The following IL17REL variants were observed in gnomAD, a reference collection of about 807,000 sequenced individuals.
The protein encoded by IL17REL is interleukin-17 receptor E-like protein.
In IL17REL, 36 loss-of-function variants were observed where a neutral mutation model predicts 49.0. The observed-to-expected ratio is 0.73, with a 90% CI of 0.56 to 0.97. The LOEUF (loss-of-function observed/expected upper bound fraction) is 0.97. IL17REL is among the 50% of genes least tolerant of loss of function. IL17REL has a pLI of 0.00. For synonymous variants in IL17REL, 206 were observed against 192.4 expected (o/e 1.07, Z -0.58); for missense variants, 470 against 453.9 (o/e 1.04, Z -0.32).
At chr22:50,006,011 G>T (rs934545721) in intron 1 of IL17REL, among the ~76,000 whole-genome samples, 2 of 151,966 alleles carry the variant, frequency 1.3e-5, no homozygotes, top group African/African-American at 2.4e-5. Context: ...CAGGATGGGG[G>T]TGCTGAGGAA....
Position 49,998,455 on chromosome 22 carries a change from C to A in IL17REL, c.602-146G>T, listed in dbSNP as rs115244935. On this transcript the variant is annotated intron_variant, in intron 7 of 12. Transcript: ENST00000341280. ...CTGAGCCCTGGCTCAAGGCTGTGCA[C>A]GTGTGTGCATGGGTGCATGTGCATG... 3.8e-3 allele frequency: 2,864 copies of A among 755,724 alleles called. 61 individuals are homozygous for A. The African/African-American group carries it at 0.045, about 12-fold the overall frequency. 46.8% of individuals were successfully genotyped at this position (755,724 alleles called of 1,614,324 possible). A position where few individuals can be genotyped will look rare whatever the true frequency, so the allele number is the denominator to read the frequency against.
chr22:50,004,008 A>G (rs756764979), intron 1 of IL17REL, among the ~76,000 whole-genome samples: 1 of 152,260 alleles, frequency 6.6e-6, no homozygotes, highest in Non-Finnish European at 1.5e-5. Flanking sequence ...TAATAAGTTT[A>G]GCAAAGTTGC....
At chr22:50,003,502 AGAGT>A (rs1296224233) in intron 1 of IL17REL, among the ~76,000 whole-genome samples, 2 of 133,456 alleles carry the variant, frequency 1.5e-5, no homozygotes, top group East Asian at 2.3e-4. Flanking sequence ...GCCTGGAGAC[AGAGT>A]GAGACTCCAT....
downstream of IL17REL, among the ~76,000 whole-genome samples, chr22:49,992,090 A>C (rs1371750436): frequency 6.6e-6 from 1 of 152,256 alleles, no homozygotes; most frequent in Admixed American, 6.5e-5. Flanking sequence ...GGAAGAAATC[A>C]GATATGCATT....
At position 49,997,593 on chromosome 22, in the gene IL17REL, G is replaced by A. The variant is rs2061044755; in HGVS notation, c.877+92C>T. ...ACTGTACCTCCCCCACACTGGCTTG[G>A]CACCGTTATTCCACCTCCCTGACCA... On this transcript the variant is annotated intron_variant, in intron 10 of 12. Coordinates refer to ENST00000341280, the Ensembl canonical transcript of IL17REL. 13 of 1,455,960 alleles carry A rather than the reference G, an allele frequency of 8.9e-6. No homozygotes were observed. In the East Asian group the frequency reaches 3.0e-4, roughly 33 times the overall value. The allele number at this position is 1,455,960 out of a possible 1,614,324, so 90.2% of individuals were successfully genotyped here. A position where few individuals can be genotyped will look rare whatever the true frequency, so the allele number is the denominator to read the frequency against.
chr22:49,996,490 A>C (rs2061035148), exon 13 of IL17REL: 2 of 153,510 alleles, frequency 1.3e-5, no homozygotes, highest in African/African-American at 4.8e-5. Context: ...ATCCCAAGTC[A>C]CTGGCGGTTG....
downstream of IL17REL, among the ~76,000 whole-genome samples, chr22:49,994,158 C>T (rs1054249041): frequency 6.6e-6 from 1 of 152,044 alleles, no homozygotes; most frequent in Non-Finnish European, 1.5e-5. Flanking sequence ...TAGGGAGGGA[C>T]ACCCTGTCCA....
chr22:49,998,047 G>A, exon 9 of IL17REL: 1 of 1,594,446 alleles, frequency 6.3e-7, no homozygotes, highest in African/African-American at 1.4e-5. Context: ...CTGGGGCTGG[G>A]TGTCCACCAG....
At chr22:49,993,726 T>C (rs2061017643), downstream of IL17REL, among the ~76,000 whole-genome samples, 1 of 152,100 alleles carries the variant, frequency 6.6e-6, no homozygotes, top group Non-Finnish European at 1.5e-5. This position sits in a 1 kb window ranked among gnomAD's most constrained non-coding sequence, Gnocchi z 6.0. Context: ...CCCACACCCG[T>C]CAGGCAGGAG....
intron 1 of IL17REL, among the ~76,000 whole-genome samples, chr22:50,003,630 T>A (rs1190068947): frequency 6.6e-6 from 1 of 150,968 alleles, no homozygotes; most frequent in African/African-American, 2.4e-5. Context: ...ACTTATCATC[T>A]CAATAGTCAC....
chr22:49,999,576 C>A (rs2061061948), intron 5 of IL17REL, 74 bp from the exon 8 acceptor site: 2 of 1,198,854 alleles, frequency 1.7e-6, no homozygotes, highest in Non-Finnish European at 2.3e-6. Context: ...GGACCTGCAC[C>A]GAACGGGGCG....
upstream of IL17REL, among the ~76,000 whole-genome samples, chr22:50,011,654 T>C (rs2061142117): frequency 6.6e-6 from 1 of 150,646 alleles, no homozygotes; most frequent in South Asian, 2.2e-4. Context: ...AACCCGCCCA[T>C]CTCCCCTGCT....
chr22:50,012,063 G>A (rs1271719873), upstream of IL17REL, among the ~76,000 whole-genome samples: 2 of 134,572 alleles, frequency 1.5e-5, no homozygotes, highest in Non-Finnish European at 3.3e-5. Flanking sequence ...CTGATGAAGC[G>A]CCCTCTCCTG....
chr22:50,000,668 C>T, intron 3 of IL17REL, 76 bp from the exon 5 acceptor site: 1 of 1,545,514 alleles, frequency 6.5e-7, no homozygotes, highest in Non-Finnish European at 8.9e-7. Context: ...ACTTGCATGG[C>T]TGGAGCTTAG....
At chr22:49,998,879 CTG>C (rs1344536170) in intron 7 of IL17REL, among the ~76,000 whole-genome samples, 3 of 146,374 alleles carry the variant, frequency 2.0e-5, no homozygotes, top group East Asian at 4.0e-4. Context: ...TCATGGGTGT[CTG>C]TGCATGTGTG....
chr22:50,003,251 G>A (rs1423001174), intron 1 of IL17REL, among the ~76,000 whole-genome samples: 2 of 152,118 alleles, frequency 1.3e-5, no homozygotes, highest in South Asian at 2.1e-4. Context: ...TGGGCCGGGC[G>A]GGGCTCATGC....
intron 1 of IL17REL, among the ~76,000 whole-genome samples, chr22:50,003,264 G>A (rs1009927227): frequency 1.3e-5 from 2 of 152,162 alleles, no homozygotes; most frequent in Non-Finnish European, 2.9e-5. Flanking sequence ...GCTCATGCCT[G>A]TAATCCCAGC....
At chr22:50,006,725 G>A (rs1395504768) in intron 1 of IL17REL, among the ~76,000 whole-genome samples, 2 of 152,012 alleles carry the variant, frequency 1.3e-5, no homozygotes, top group Non-Finnish European at 2.9e-5. Flanking sequence ...AGGCCGAGGC[G>A]GGCGGATCAT....
chr22:50,009,462 C>T (rs966494159), upstream of IL17REL, among the ~76,000 whole-genome samples: 1 of 152,282 alleles, frequency 6.6e-6, no homozygotes, highest in East Asian at 1.9e-4. Flanking sequence ...AGCTGAGGTC[C>T]GAGAGCACAG....
Sources: gnomAD v4.1 joint callset for allele counts (sites outside exome capture counted in the v4.1 genomes callset) on GRCh38, gnomAD v4.1.1 for gene constraint, Gnocchi (gnomAD v3.1) non-coding constraint, MANE v1.5 for transcripts, NCBI Gene and HGNC (gene_info 2026-07-23, HGNC 2026-07-21) for gene names.